The following GRIK3 variants were observed in gnomAD, a reference collection of about 807,000 sequenced individuals.
The protein encoded by GRIK3 is glutamate ionotropic receptor kainate type subunit 3.
A neutral mutation model predicts 102.5 loss-of-function variants in GRIK3; 29 were observed. The observed-to-expected ratio is 0.28, with a 90% CI of 0.21 to 0.39. The LOEUF is 0.39. Ranked by LOEUF, GRIK3 falls within the 10% of genes least tolerant of loss-of-function variation. The pLI, the probability that GRIK3 is intolerant of heterozygous loss-of-function variation, is 1.00. For synonymous variants in GRIK3, 511 were observed against 504.9 expected (o/e 1.01, Z -0.16); for missense variants, 908 against 1,252.4 (o/e 0.73, Z 4.15).
intron 10 of GRIK3, among the ~76,000 whole-genome samples, chr1:36,832,473 T>C (rs889296056): frequency 1.3e-5 from 2 of 152,180 alleles, no homozygotes; most frequent in African/African-American, 4.8e-5. Context: ...GCCTTGGACA[T>C]GAACCTGACA....
In GRIK3 at chr1:36,940,341, G is replaced by A. The variant is rs182499217; in HGVS notation, c.116-49245C>T. On this transcript the variant is annotated intron_variant, in intron 1 of 15. Coordinates refer to ENST00000373091, the MANE Select transcript of GRIK3 (RefSeq NM_000831.4). ...TGCTCTTTTGGGCAACTTCTGGAAG[G>A]ATACTCTATCTGCCTTTGTCTCTAT... Among the ~76,000 whole-genome samples the A allele has an allele frequency of 1.2e-4, 19 of 152,288 alleles. No individual in the cohort carries two copies. In the East Asian group the frequency reaches 2.9e-3, roughly 23 times the overall value.
chr1:37,001,266 A>G (rs1344725036), intron 1 of GRIK3, among the ~76,000 whole-genome samples: 3 of 152,244 alleles, frequency 2.0e-5, no homozygotes, highest in African/African-American at 7.2e-5. Context: ...GTGGTCCTTC[A>G]TCTGCCTATT....
chr1:36,853,820 A>G (rs1640616178), intron 7 of GRIK3, 98 bp from the exon 8 acceptor site: 3 of 730,296 alleles, frequency 4.1e-6, no homozygotes, highest in Non-Finnish European at 7.6e-6. Flanking sequence ...CCTTGCACTG[A>G]TACTGTTCCC....
At chr1:36,893,175 G>T (rs1053887123) in intron 1 of GRIK3, among the ~76,000 whole-genome samples, 2 of 152,076 alleles carry the variant, frequency 1.3e-5, no homozygotes, top group Non-Finnish European at 2.9e-5. Context: ...AACCATAAAA[G>T]AAAGTTTGAT....
intron 9 of GRIK3, among the ~76,000 whole-genome samples, chr1:36,843,709 C>T (rs1021466986): frequency 2.6e-5 from 4 of 152,202 alleles, no homozygotes; most frequent in African/African-American, 9.7e-5. Context: ...CCTTCCTTCG[C>T]CCCCTGCCCT....
intron 10 of GRIK3, among the ~76,000 whole-genome samples, chr1:36,833,688 A>G (rs982370395): frequency 2.6e-5 from 4 of 152,216 alleles, no homozygotes; most frequent in African/African-American, 7.2e-5. Flanking sequence ...AGCGGGGGCA[A>G]TGGTAGTGTG....
At chr1:36,869,611 C>T in intron 5 of GRIK3, 137 bp downstream of exon 5, 2 of 699,410 alleles carry the variant, frequency 2.9e-6, no homozygotes, top group East Asian at 2.6e-5. Context: ...ATATTTGTGC[C>T]CTTACCTGGG....
intron 1 of GRIK3, among the ~76,000 whole-genome samples, chr1:36,933,031 C>T (rs942839030): frequency 2.0e-5 from 3 of 152,178 alleles, no homozygotes; most frequent in Non-Finnish European, 2.9e-5. Context: ...TGTAGAACCA[C>T]GTTTACCATT....
chr1:36,899,763 A>G (rs2124281465), intron 1 of GRIK3, among the ~76,000 whole-genome samples: 1 of 152,332 alleles, frequency 6.6e-6, no homozygotes, highest in Middle Eastern at 3.4e-3. Flanking sequence ...AAAGAAAGTG[A>G]AAGTAGCTGT....
At chr1:36,878,155 C>T (rs1230825740) in intron 3 of GRIK3, among the ~76,000 whole-genome samples, 1 of 152,230 alleles carries the variant, frequency 6.6e-6, no homozygotes, top group African/African-American at 2.4e-5. Flanking sequence ...ATCCTGGAGA[C>T]ACTGAAAGCT....
intron 1 of GRIK3, among the ~76,000 whole-genome samples, chr1:36,978,031 C>T (rs1005942042): frequency 3.9e-5 from 6 of 152,238 alleles, no homozygotes; most frequent in South Asian, 2.1e-4. Flanking sequence ...ACAGCATAAA[C>T]GAATGCATTA....
Position 36,869,788 on chromosome 1 carries a change from C to A in GRIK3, c.746G>T (p.Gly249Val). ...GAAGTGGTAGTACTCAGTCATCATGCCCATGGCCATGGCCTGCAGAAAAGC... is the reference window on the plus strand; with the variant it reads ...GAAGTGGTAGTACTCAGTCATCATGACCATGGCCATGGCCTGCAGAAAAGC... ...AQILKQAMAM[G>V]MMTEYYHFIF... The change falls in exon 5 of 16, where the codon GGC becomes GTC. Residue 249 changes from glycine to valine, a missense_variant. Around this residue, in one of 3 missense-constraint regions of GRIK3, gnomAD observed 585 missense variants for 824.9 expected, o/e 0.71. Coordinates refer to ENST00000373091, the MANE Select transcript of GRIK3 (RefSeq NM_000831.4). 2 of 1,612,766 alleles carry A rather than the reference C, an allele frequency of 1.2e-6. No homozygotes were observed. Among genetic ancestry groups the A allele is most frequent in the Non-Finnish European group, 1.7e-6 (2 of 1,178,744 alleles).
intron 1 of GRIK3, among the ~76,000 whole-genome samples, chr1:36,963,285 G>A (rs1011932667): frequency 1.2e-4 from 18 of 152,152 alleles, no homozygotes; most frequent in African/African-American, 4.3e-4. Context: ...GGCGGTAGCA[G>A]GCAATAGAGA....
chr1:36,904,290 G>A lies in GRIK3; in HGVS notation c.116-13194C>T, dbSNP rs1313811407. 2.6e-5 allele frequency among the ~76,000 whole-genome samples: 4 copies of A among 152,352 alleles called. No individual in the cohort carries two copies. The South Asian group carries it at 6.2e-4, about 24-fold the overall frequency. The stretch of plus-strand genomic sequence containing the variant: ...AGGTGTGCATCGACATGCCGAGCAC[G>A]TGCATAAAACAAGACAAGAAGAATT... On this transcript the variant is annotated intron_variant, in intron 1 of 15. Coordinates refer to ENST00000373091, the MANE Select transcript of GRIK3 (RefSeq NM_000831.4).
At chr1:36,842,003 C>G in intron 9 of GRIK3, 64 bp from the exon 10 acceptor site, 1 of 1,338,288 alleles carries the variant, frequency 7.5e-7, no homozygotes, top group Non-Finnish European at 1.1e-6. Flanking sequence ...CAGGCTTGCA[C>G]TGGAGAGTCA....
intron 1 of GRIK3, among the ~76,000 whole-genome samples, chr1:36,930,316 T>C (rs964960556): frequency 6.6e-6 from 1 of 152,184 alleles, no homozygotes; most frequent in Non-Finnish European, 1.5e-5. Flanking sequence ...ACAAACTTCA[T>C]GTTGAATGAC....
chr1:37,010,824 C>T (rs1642587813), intron 1 of GRIK3, among the ~76,000 whole-genome samples: 1 of 151,370 alleles, frequency 6.6e-6, no homozygotes, highest in African/African-American at 2.4e-5. Context: ...TCACTGCAAG[C>T]TCCGCTTCCC....
intron 1 of GRIK3, among the ~76,000 whole-genome samples, chr1:36,952,460 CCT>C (rs1557438144): frequency 6.6e-6 from 1 of 152,196 alleles, no homozygotes; most frequent in Non-Finnish European, 1.5e-5. Context: ...CTCCAGACCA[CCT>C]CTCTCATTAG....
intron 1 of GRIK3, among the ~76,000 whole-genome samples, chr1:36,963,495 T>C (rs973645972): frequency 1.1e-4 from 16 of 152,150 alleles, no homozygotes; most frequent in African/African-American, 3.9e-4. Context: ...GCTCCTTCCA[T>C]GCATTATCTC....
Sources: allele counts gnomAD v4.1 joint callset (sites outside exome capture counted in the v4.1 genomes callset), GRCh38; gene constraint gnomAD v4.1.1; regional missense constraint gnomAD v4.1.1; transcripts MANE v1.5; gene names NCBI Gene and HGNC (gene_info 2026-07-23, HGNC 2026-07-21).